The following OXSR1 variants were observed in gnomAD, a reference collection of about 807,000 sequenced individuals.
OXSR1 encodes oxidative stress responsive kinase 1.
In OXSR1, 24 loss-of-function variants were observed where a neutral mutation model predicts 79.8. That is an observed-to-expected ratio of 0.30 (90% CI 0.22 to 0.42). OXSR1 has a LOEUF of 0.42. Among genes scored for constraint, OXSR1 ranks in the 10% least tolerant of loss-of-function variants. The pLI is 1.00. For missense variants in OXSR1, 430 were observed against 618.4 expected (o/e 0.70, Z 3.23); for synonymous variants, 226 against 209.2 (o/e 1.08, Z -0.69).
chr3:38,241,656 A>C (rs1703037972), intron 11 of OXSR1, among the ~76,000 whole-genome samples: 1 of 152,140 alleles, frequency 6.6e-6, no homozygotes, highest in Non-Finnish European at 1.5e-5. Context: ...ATGAGGGGAA[A>C]AAAGGTTAAT....
At chr3:38,165,110 G>C (rs772493593), upstream of OXSR1, 2 of 152,282 alleles carry the variant, frequency 1.3e-5, no homozygotes, top group African/African-American at 2.4e-5. Context: ...GCCCTAACAC[G>C]GAGAAGCGCG....
intron 4 of OXSR1, among the ~76,000 whole-genome samples, chr3:38,211,539 T>G (rs1323692433): frequency 6.6e-6 from 1 of 152,238 alleles, no homozygotes; most frequent in Non-Finnish European, 1.5e-5. Flanking sequence ...TAAAGATAAT[T>G]AAGATCTTAT....
chr3:38,212,905 TGTC>T (rs1401557289), intron 4 of OXSR1, among the ~76,000 whole-genome samples: 1 of 152,220 alleles, frequency 6.6e-6, no homozygotes, highest in African/African-American at 2.4e-5. Flanking sequence ...AAAGGTTTGT[TGTC>T]CTGTTTGAGG....
At chr3:38,194,295 G>C (rs1234270749) in intron 3 of OXSR1, among the ~76,000 whole-genome samples, 1 of 152,144 alleles carries the variant, frequency 6.6e-6, no homozygotes, top group African/African-American at 2.4e-5. Context: ...CATGCCTGCT[G>C]TCCCAGTGCT....
intron 1 of OXSR1, among the ~76,000 whole-genome samples, chr3:38,178,114 A>T (rs1229444813): frequency 6.6e-6 from 1 of 151,672 alleles, no homozygotes; most frequent in Non-Finnish European, 1.5e-5. Flanking sequence ...ACACCCAGCT[A>T]ATTTTTGTAT....
At chr3:38,227,932 G>T (rs1311456460) in intron 8 of OXSR1, among the ~76,000 whole-genome samples, 1 of 152,232 alleles carries the variant, frequency 6.6e-6, no homozygotes, top group Non-Finnish European at 1.5e-5. Context: ...ATGCAGTCAT[G>T]TGTCACTTAA....
intron 4 of OXSR1, among the ~76,000 whole-genome samples, chr3:38,203,373 G>T (rs983885235): frequency 6.6e-6 from 1 of 152,146 alleles, no homozygotes; most frequent in Non-Finnish European, 1.5e-5. Flanking sequence ...TCCGTGTCTT[G>T]ATGGTAGTGG....
intron 4 of OXSR1, among the ~76,000 whole-genome samples, chr3:38,199,913 C>T (rs995022977): frequency 2.0e-5 from 3 of 152,286 alleles, no homozygotes; most frequent in East Asian, 1.9e-4. Context: ...CCATTCAGTC[C>T]CTGTTGATAT....
At position 38,165,551 on chromosome 3, in the gene OXSR1, G is replaced by A; in HGVS notation, c.-326G>A. ...GGGGAAAGTTTGGCCCGTGCGTGGG[G>A]CTGGGGTGGAGGGCGGGACAGAGGG... On this transcript the variant is annotated 5_prime_UTR_variant, in exon 1 of 18. Coordinates refer to ENST00000311806, the MANE Select transcript of OXSR1 (RefSeq NM_005109.3). 8.5e-6 allele frequency: 3 copies of A among 351,710 alleles called. No individual in the cohort carries two copies. Among genetic ancestry groups the A allele is most frequent in the Non-Finnish European group, 1.6e-5 (3 of 193,546 alleles). 21.8% of individuals were successfully genotyped at this position (351,710 alleles called of 1,614,324 possible). A position where few individuals can be genotyped will look rare whatever the true frequency, so the allele number is the denominator to read the frequency against.
intron 1 of OXSR1, among the ~76,000 whole-genome samples, chr3:38,170,201 C>T (rs549570562): frequency 1.3e-5 from 2 of 152,156 alleles, no homozygotes; most frequent in East Asian, 3.9e-4. Flanking sequence ...CGTGCCACCA[C>T]ACCAGGCTAA....
intron 3 of OXSR1, 81 bp downstream of exon 3, chr3:38,190,920 C>T (rs566831144): frequency 3.6e-5 from 28 of 768,696 alleles, no homozygotes; most frequent in South Asian, 2.9e-4. Flanking sequence ...ATCCTGATTT[C>T]GTTTTCATGG....
intron 4 of OXSR1, among the ~76,000 whole-genome samples, chr3:38,213,349 G>A (rs1225933116): frequency 6.6e-6 from 1 of 152,078 alleles, no homozygotes; most frequent in Non-Finnish European, 1.5e-5. Context: ...ATACATTCCA[G>A]TAGAGTGGCA....
In OXSR1 at chr3:38,188,788, C is replaced by A. The variant is rs1012021565; in HGVS notation, c.184-1943C>A. On this transcript the variant is annotated intron_variant, in intron 2 of 17. Coordinates refer to ENST00000311806, the MANE Select transcript of OXSR1 (RefSeq NM_005109.3). ...AGTGTTAATGCAGGAAACTTCCAAG[C>A]CTTCCATGTTATGACTCCTATTTTT... 6.6e-5 allele frequency among the ~76,000 whole-genome samples: 10 copies of A among 152,220 alleles called. No homozygotes were observed. The Middle Eastern group carries it at 0.01, about 155-fold the overall frequency.
At chr3:38,245,394 T>G (rs1703119397) in intron 12 of OXSR1, among the ~76,000 whole-genome samples, 1 of 152,224 alleles carries the variant, frequency 6.6e-6, no homozygotes. Context: ...AATATCTTTT[T>G]TTAGTTTTAA....
Position 38,212,736 on chromosome 3 carries a change from G to C in OXSR1, c.435-3360G>C, listed in dbSNP as rs35020596. Among the ~76,000 whole-genome samples the C allele has an allele frequency of 2.9e-3, 437 of 152,308 alleles. 1 individual carries two copies. Among genetic ancestry groups the C allele is most frequent in the African/African-American group, 9.8e-3 (408 of 41,570 alleles). ...AGTGACATGTGAGAAATGACATTAA[G>C]CAGTAAAAAACAAAACTCTTCTTGC... On this transcript the variant is annotated intron_variant, in intron 4 of 17. Transcript: ENST00000311806.
At chr3:38,181,376 G>A (rs1361590095) in intron 1 of OXSR1, among the ~76,000 whole-genome samples, 2 of 124,776 alleles carry the variant, frequency 1.6e-5, no homozygotes, top group East Asian at 2.4e-4. Context: ...TTTTTTTTGA[G>A]ACAGAGTCTC....
intron 4 of OXSR1, among the ~76,000 whole-genome samples, chr3:38,203,975 G>T (rs149365771): frequency 6.6e-5 from 10 of 152,284 alleles, no homozygotes; most frequent in African/African-American, 2.4e-4. Flanking sequence ...AGAGAGCCAG[G>T]GCCTGGAGTC....
intron 10 of OXSR1, among the ~76,000 whole-genome samples, chr3:38,233,340 G>C (rs1392908944): frequency 6.6e-6 from 1 of 152,162 alleles, no homozygotes; most frequent in Non-Finnish European, 1.5e-5. Context: ...ACTAGCCTAA[G>C]AGGAAAAACA....
At chr3:38,252,510 A>G (rs751338498) in intron 17 of OXSR1, 118 bp downstream of exon 17, 2 of 805,256 alleles carry the variant, frequency 2.5e-6, no homozygotes, top group Non-Finnish European at 4.4e-6. Context: ...GATTGTGTTC[A>G]TTTAGCCTCC....
Sources: allele counts gnomAD v4.1 joint callset (sites outside exome capture counted in the v4.1 genomes callset), GRCh38; gene constraint gnomAD v4.1.1; transcripts MANE v1.5; gene names NCBI Gene and HGNC (gene_info 2026-07-23, HGNC 2026-07-21).